Variants in CSF2RA observed in about 807,000 individuals in gnomAD.
The protein encoded by CSF2RA is colony stimulating factor 2 receptor subunit alpha.
In CSF2RA, 42 loss-of-function variants were observed where a neutral mutation model predicts 51.6. The observed-to-expected ratio is 0.81, with a 90% CI of 0.64 to 1.05. The LOEUF (loss-of-function observed/expected upper bound fraction) is 1.05, where lower values mean the gene tolerates loss of function less well. Ranked by LOEUF, CSF2RA falls within the 50% of genes least tolerant of loss-of-function variation. The probability of loss-of-function intolerance (pLI) is 0.00; values close to 1 mark genes in which losing one functional copy is unlikely to be tolerated. For missense variants in CSF2RA, 530 were observed against 501.1 expected (o/e 1.06, Z -0.55); for synonymous variants, 222 against 193.0 (o/e 1.15, Z -1.24).
At chrX:1,300,377 GAAAAAGAA>G (rs1165641133) in intron 9 of CSF2RA, 106 bp from the exon 10 acceptor site, 2 of 1,341,364 alleles carry the variant, frequency 1.5e-6, no homozygotes, top group East Asian at 2.3e-5. Flanking sequence ...AAAAAAAGAA[GAAAAAGAA>G]AAAAAGAAAA....
At chrX:1,301,119 C>G (rs2092337672) in intron 10 of CSF2RA, among the ~76,000 whole-genome samples, 1 of 150,652 alleles carries the variant, frequency 6.6e-6, no homozygotes, top group Non-Finnish European at 1.5e-5. Context: ...CGCCATTGCA[C>G]TCCAGCCTGG....
rs28708556 is a variant in CSF2RA, at chrX:1,309,253, T to C, written c.1126-149T>C. 0.046 allele frequency: 36,303 copies of C among 787,986 alleles called. 3,011 individuals carry two copies. Among genetic ancestry groups the C allele is most frequent in the African/African-American group, 0.28 (16,258 of 57,544 alleles). The allele number at this position is 787,986 out of a possible 1,614,324, so 48.8% of individuals were successfully genotyped here. On this transcript the variant is annotated intron_variant, in intron 12 of 12. Coordinates refer to ENST00000381529, the MANE Select transcript of CSF2RA (RefSeq NM_172245.4). ...TCGCTTGAACCCGGGAGGCCGAGGT[T>C]GCAGTGAGCTGAGATGACACCACTG... is the stretch of plus-strand genomic sequence containing the variant.
rs1362252243 is a variant in CSF2RA, at chrX:1,288,662, G to C, written c.343+20G>C. The C allele has an allele frequency of 1.2e-6, 2 of 1,613,944 alleles. No individual in the cohort carries two copies. Among genetic ancestry groups the C allele is most frequent in the Non-Finnish European group, 8.5e-7 (1 of 1,179,860 alleles). ...ATTCAGGTAAGCAAGACAGCTCAGG[G>C]ATCCGTTTACAGCACTGGCCCCACC... On this transcript the variant is annotated intron_variant, in intron 5 of 12. Transcript: ENST00000381529.
intron 9 of CSF2RA, chrX:1,295,688 T>A: frequency 1.9e-6 from 1 of 528,198 alleles, no homozygotes; most frequent in East Asian, 3.2e-5. Flanking sequence ...AACCCTACAG[T>A]CCCCTACTCA....
rs754076304 is a variant in CSF2RA, at chrX:1,301,869, G to A, written c.946+1243G>A. On this transcript the variant is annotated intron_variant, in intron 10 of 12. Coordinates refer to ENST00000381529, the MANE Select transcript of CSF2RA (RefSeq NM_172245.4). ...GATCCGCCCACCTCGGCCTCCCAAA[G>A]TGCTGGGATTACAGGCGTGAGCCAC... Among the ~76,000 whole-genome samples, 496 of 146,504 alleles carry A rather than the reference G, an allele frequency of 3.4e-3. 1 individual carries two copies. Among genetic ancestry groups the A allele is most frequent in the African/African-American group, 0.012 (468 of 39,600 alleles).
At chrX:1,291,024 C>T (rs1199455400) in intron 7 of CSF2RA, among the ~76,000 whole-genome samples, 1 of 151,996 alleles carries the variant, frequency 6.6e-6, no homozygotes, top group East Asian at 1.9e-4. Context: ...CAGGTTCAAG[C>T]GATTCTTCTG....
intron 3 of CSF2RA, 146 bp from the exon 4 acceptor site, chrX:1,285,631 CT>C: frequency 4.6e-5 from 2 of 43,930 alleles, no homozygotes; most frequent in Non-Finnish European, 5.8e-5. Flanking sequence ...GGTGGTGGAG[CT>C]TGCAGCTTGC....
At chrX:1,307,484 A>G (rs1420503425) in intron 12 of CSF2RA, among the ~76,000 whole-genome samples, 99 of 45,002 alleles carry the variant, frequency 2.2e-3, no homozygotes, top group African/African-American at 7.3e-3. Flanking sequence ...TTAGACTTTC[A>G]ACTGATTAAA....
chrX:1,309,532 G>A lies in CSF2RA; in HGVS notation c.*53G>A, dbSNP rs371886431. The A allele has an allele frequency of 1.1e-5, 17 of 1,613,866 alleles. No homozygotes were observed. Among genetic ancestry groups the A allele is most frequent in the African/African-American group, 4.0e-5 (3 of 74,920 alleles). On this transcript the variant is annotated 3_prime_UTR_variant, in exon 13 of 13. Coordinates refer to ENST00000381529, the MANE Select transcript of CSF2RA (RefSeq NM_172245.4). ...ACATCTCCGCCTCCGCGACACGGGG[G>A]AACTGTTTTCTTGATGATGCTGTGA...
chrX:1,303,591 G>T (rs1163962379), intron 10 of CSF2RA, among the ~76,000 whole-genome samples: 1 of 152,082 alleles, frequency 6.6e-6, no homozygotes, highest in African/African-American at 2.4e-5. Flanking sequence ...GGTCAGGCTG[G>T]TCTCGAACTC....
Position 1,294,487 on chromosome X carries a change from G to C in CSF2RA, c.780+26G>C, listed in dbSNP as rs747329170. On this transcript the variant is annotated intron_variant, in intron 8 of 12. Coordinates refer to ENST00000381529, the MANE Select transcript of CSF2RA (RefSeq NM_172245.4). Reference sequence around the variant, plus strand: ...GTCGGTGAGAGCTCCCCGGGGCTGGGCACCAGGAGGGAGGCGTACGGGACA... The same window carrying C: ...GTCGGTGAGAGCTCCCCGGGGCTGGCCACCAGGAGGGAGGCGTACGGGACA... 5 of 1,613,518 alleles carry C rather than the reference G, an allele frequency of 3.1e-6. No homozygotes were observed. In the Admixed American group the frequency reaches 5.0e-5, roughly 16 times the overall value.
the CSF2RA span, among the ~76,000 whole-genome samples, chrX:1,321,834 T>C: frequency 1.3e-5 from 2 of 152,012 alleles, no homozygotes; most frequent in Non-Finnish European, 1.5e-5. Context: ...GGCCACAAAC[T>C]TGCCCCAAGT....
chrX:1,269,798 A>G (rs1303154100), intron 1 of CSF2RA, among the ~76,000 whole-genome samples: 3 of 150,922 alleles, frequency 2.0e-5, no homozygotes, highest in African/African-American at 7.4e-5. Context: ...TGCAAACTGA[A>G]AGCAAGCTTA....
At chrX:1,308,045 G>C (rs775199569) in intron 12 of CSF2RA, among the ~76,000 whole-genome samples, 2 of 147,858 alleles carry the variant, frequency 1.4e-5, no homozygotes, top group East Asian at 4.0e-4. Context: ...CCCCTCTTCA[G>C]ACCTTCAACT....
At chrX:1,293,311 C>T (rs374016090) in intron 7 of CSF2RA, among the ~76,000 whole-genome samples, 10 of 152,200 alleles carry the variant, frequency 6.6e-5, no homozygotes, top group Admixed American at 2.0e-4. Context: ...CTCCGCCTCC[C>T]GGGTTCACGC....
At chrX:1,278,759 T>G (rs28868362) in intron 2 of CSF2RA, among the ~76,000 whole-genome samples, 1 of 145,210 alleles carries the variant, frequency 6.9e-6, no homozygotes, top group Non-Finnish European at 1.5e-5. Flanking sequence ...ATCCAGAGGC[T>G]GGGTGCAGTG....
At chrX:1,309,252 T>C in intron 12 of CSF2RA, 150 bp from the exon 13 acceptor site, 1 of 783,808 alleles carries the variant, frequency 1.3e-6, no homozygotes, top group Non-Finnish European at 2.1e-6. Flanking sequence ...GAGGCCGAGG[T>C]TGCAGTGAGC....
At chrX:1,291,189 TG>T (rs2091357989) in intron 7 of CSF2RA, among the ~76,000 whole-genome samples, 1 of 151,946 alleles carries the variant, frequency 6.6e-6, no homozygotes, top group South Asian at 2.1e-4. Context: ...CCCAAAGTGC[TG>T]GGATTACAGG....
At chrX:1,304,393 C>G (rs1164761322) in intron 11 of CSF2RA, among the ~76,000 whole-genome samples, 1 of 142,616 alleles carries the variant, frequency 7.0e-6, no homozygotes, top group Non-Finnish European at 1.5e-5. Flanking sequence ...GGGCGAGACT[C>G]CATCTCAAAA....
Sources: gnomAD v4.1 joint callset for allele counts (sites outside exome capture counted in the v4.1 genomes callset) on GRCh38, gnomAD v4.1.1 for gene constraint, MANE v1.5 for transcripts, NCBI Gene and HGNC (gene_info 2026-07-23, HGNC 2026-07-21) for gene names.